Variants in GTF2F2 observed in about 807,000 individuals in gnomAD.
GTF2F2 encodes general transcription factor IIF subunit 2, also known as ATP-dependent helicase GTF2F2.
A neutral mutation model predicts 42.2 loss-of-function variants in GTF2F2; 23 were observed. That is an observed-to-expected ratio of 0.55 (90% CI 0.39 to 0.77). The LOEUF is 0.77. GTF2F2 is among the 30% of genes least tolerant of loss of function. The pLI is 0.00. For missense variants in GTF2F2, 261 were observed against 287.2 expected (o/e 0.91, Z 0.66); for synonymous variants, 105 against 100.8 (o/e 1.04, Z -0.25).
intron 5 of GTF2F2, among the ~76,000 whole-genome samples, chr13:45,250,998 A>G (rs1373689618): frequency 6.6e-6 from 1 of 152,236 alleles, no homozygotes; most frequent in African/African-American, 2.4e-5. Flanking sequence ...AAAGTAAATC[A>G]TCTTGTGTAT....
intron 5 of GTF2F2, among the ~76,000 whole-genome samples, chr13:45,212,776 C>CT (rs1255841105): frequency 2.6e-5 from 4 of 151,902 alleles, no homozygotes; most frequent in African/African-American, 9.7e-5. Flanking sequence ...GGGGCTTACT[C>CT]TGTTGCCCAG....
intron 5 of GTF2F2, among the ~76,000 whole-genome samples, chr13:45,222,798 G>C (rs752777190): frequency 6.6e-6 from 1 of 152,292 alleles, no homozygotes; most frequent in South Asian, 2.1e-4. Context: ...AACATCCTGT[G>C]TAGTTTCAAA....
chr13:45,241,095 G>T (rs1875277019), intron 5 of GTF2F2, among the ~76,000 whole-genome samples: 1 of 151,410 alleles, frequency 6.6e-6, no homozygotes, highest in Admixed American at 6.6e-5. Flanking sequence ...TGAGGCTGCA[G>T]TGTGTCGTGA....
intron 6 of GTF2F2, among the ~76,000 whole-genome samples, chr13:45,256,364 TAAAGTAAGTAC>T (rs1252571221): frequency 6.6e-6 from 1 of 152,146 alleles, no homozygotes; most frequent in Non-Finnish European, 1.5e-5. Context: ...CCCTGGTGAA[TAAAGTAAGTAC>T]AAACATGTTA....
chr13:45,147,344 A>AGT (rs1306297072), intron 2 of GTF2F2, among the ~76,000 whole-genome samples: 1 of 152,188 alleles, frequency 6.6e-6, no homozygotes. Flanking sequence ...ACATTATGGA[A>AGT]GTGTCTTCTG....
chr13:45,233,875 C>G (rs986113763), intron 5 of GTF2F2, among the ~76,000 whole-genome samples: 1 of 151,824 alleles, frequency 6.6e-6, no homozygotes, highest in Non-Finnish European at 1.5e-5. Flanking sequence ...ATCATGCCAC[C>G]GCACTCCAGC....
intron 4 of GTF2F2, among the ~76,000 whole-genome samples, chr13:45,173,720 C>G (rs1871719236): frequency 6.7e-6 from 1 of 149,152 alleles, no homozygotes; most frequent in Admixed American, 6.8e-5. Context: ...CAGGTTCACA[C>G]CATTCTCCTG....
intron 4 of GTF2F2, among the ~76,000 whole-genome samples, chr13:45,171,069 CTTTTTTTT>C (rs908914894): frequency 3.2e-5 from 3 of 94,244 alleles, no homozygotes; most frequent in Middle Eastern, 5.7e-3. Context: ...AAAACCCTAT[CTTTTTTTT>C]TTTTTTTTTT....
At chr13:45,246,312 A>AT (rs1308080317) in intron 5 of GTF2F2, among the ~76,000 whole-genome samples, 5 of 151,838 alleles carry the variant, frequency 3.3e-5, no homozygotes, top group Admixed American at 2.6e-4. Flanking sequence ...CGCCCGGCCT[A>AT]TTTTTTTATT....
chr13:45,127,127 G>T (rs1869049755), intron 1 of GTF2F2, among the ~76,000 whole-genome samples: 1 of 152,088 alleles, frequency 6.6e-6, no homozygotes, highest in Non-Finnish European at 1.5e-5. Flanking sequence ...TAAGTTCGTG[G>T]TGTAGAGAGT....
At chr13:45,252,805 A>G (rs1045436831) in intron 5 of GTF2F2, 66 bp from the exon 6 acceptor site, 12 of 700,122 alleles carry the variant, frequency 1.7e-5, no homozygotes, top group Non-Finnish European at 2.9e-5. Flanking sequence ...AATTATAGAA[A>G]TAATAACTCT....
At chr13:45,138,319 T>A (rs576275109) in intron 2 of GTF2F2, among the ~76,000 whole-genome samples, 2 of 152,302 alleles carry the variant, frequency 1.3e-5, no homozygotes, top group South Asian at 4.1e-4. Flanking sequence ...GCTTCTGCCC[T>A]CCGTGGAGGC....
chr13:45,277,831 T>A (rs977118413), intron 7 of GTF2F2, among the ~76,000 whole-genome samples: 2 of 152,238 alleles, frequency 1.3e-5, no homozygotes, highest in African/African-American at 4.8e-5. Flanking sequence ...CATTTTCCTT[T>A]GTCAGCTGCA....
chr13:45,233,976 T>C (rs903371739), intron 5 of GTF2F2, among the ~76,000 whole-genome samples: 4 of 152,190 alleles, frequency 2.6e-5, no homozygotes, highest in Non-Finnish European at 5.9e-5. Context: ...GGAGTTTATG[T>C]TTTCCTACTG....
intron 4 of GTF2F2, among the ~76,000 whole-genome samples, chr13:45,188,700 T>C (rs1872518945): frequency 6.6e-6 from 1 of 152,186 alleles, no homozygotes; most frequent in African/African-American, 2.4e-5. Context: ...GTAAGCAAGT[T>C]AGTGGAAGTT....
chr13:45,203,094 A>G (rs1873272158), intron 4 of GTF2F2, among the ~76,000 whole-genome samples: 1 of 152,114 alleles, frequency 6.6e-6, no homozygotes, highest in Admixed American at 6.5e-5. Context: ...CCCATCATTT[A>G]GTTTTTCAGT....
intron 2 of GTF2F2, among the ~76,000 whole-genome samples, chr13:45,139,048 G>T (rs570756887): frequency 1.3e-5 from 2 of 152,316 alleles, no homozygotes; most frequent in Non-Finnish European, 1.5e-5. Flanking sequence ...CCATCTCAGC[G>T]CATGTTAAAG....
chr13:45,143,818 T>C (rs1241009826), intron 2 of GTF2F2, among the ~76,000 whole-genome samples: 2 of 152,204 alleles, frequency 1.3e-5, no homozygotes, highest in Non-Finnish European at 2.9e-5. Flanking sequence ...GTGAATAAGA[T>C]GAGAGTAACA....
chr13:45,204,161 T>C (rs1873325426), intron 4 of GTF2F2, among the ~76,000 whole-genome samples: 2 of 152,210 alleles, frequency 1.3e-5, no homozygotes, highest in Non-Finnish European at 2.9e-5. Context: ...TATTTTTAAT[T>C]GACAAGTAAA....
Sources: gnomAD v4.1 joint callset for allele counts (sites outside exome capture counted in the v4.1 genomes callset) on GRCh38, gnomAD v4.1.1 for gene constraint, MANE v1.5 for transcripts, NCBI Gene and HGNC (gene_info 2026-07-23, HGNC 2026-07-21) for gene names.